Variants in CDH12 observed in about 807,000 individuals in gnomAD.
The protein encoded by CDH12 is cadherin 12.
Under a neutral mutation model 74.1 loss-of-function variants are expected in CDH12, and 41 were observed. The observed-to-expected ratio is 0.55, with a 90% CI of 0.43 to 0.72. The LOEUF (loss-of-function observed/expected upper bound fraction) is 0.72, where lower values mean the gene tolerates loss of function less well. Among genes scored for constraint, CDH12 ranks in the 30% least tolerant of loss-of-function variants. The pLI, the probability that CDH12 is intolerant of heterozygous loss-of-function variation, is 0.00. For missense variants in CDH12, 945 were observed against 977.2 expected (o/e 0.97, Z 0.44); for synonymous variants, 399 against 355.0 (o/e 1.12, Z -1.39).
intron 6 of CDH12, among the ~76,000 whole-genome samples, chr5:21,959,368 T>A (rs1425270135): frequency 1.3e-5 from 2 of 151,774 alleles, no homozygotes; most frequent in African/African-American, 4.8e-5. Flanking sequence ...AATCTACACA[T>A]ATCAAATACT....
intron 1 of CDH12, among the ~76,000 whole-genome samples, chr5:22,849,446 T>C (rs1737450671): frequency 6.6e-6 from 1 of 152,140 alleles, no homozygotes. Context: ...ACTAAAGGTA[T>C]ATTCAACCTT....
chr5:22,508,663 C>T (rs1240847466), intron 1 of CDH12, among the ~76,000 whole-genome samples: 2 of 152,162 alleles, frequency 1.3e-5, no homozygotes, highest in African/African-American at 4.8e-5. Flanking sequence ...TTGAACATTT[C>T]CTTTCTATGA....
intron 1 of CDH12, among the ~76,000 whole-genome samples, chr5:22,852,437 A>G (rs957846544): frequency 2.0e-4 from 30 of 152,228 alleles, no homozygotes; most frequent in African/African-American, 7.2e-4. Flanking sequence ...CCTTAAAATA[A>G]TTTGGAAATG....
At chr5:22,379,289 G>A (rs1741661764) in intron 3 of CDH12, among the ~76,000 whole-genome samples, 1 of 152,104 alleles carries the variant, frequency 6.6e-6, no homozygotes, top group Non-Finnish European at 1.5e-5. Context: ...TGTGTACTGG[G>A]AAGAAAGGAA....
chr5:22,236,263 T>G (rs1752555583), intron 3 of CDH12, among the ~76,000 whole-genome samples: 2 of 152,192 alleles, frequency 1.3e-5, no homozygotes, highest in African/African-American at 2.4e-5. Flanking sequence ...ACTGTAACAT[T>G]TTTACTTTAT....
At chr5:22,693,929 A>G (rs182860638) in intron 1 of CDH12, among the ~76,000 whole-genome samples, 1 of 150,142 alleles carries the variant, frequency 6.7e-6, no homozygotes, top group Non-Finnish European at 1.5e-5. Flanking sequence ...TTAAAAAAAA[A>G]ATTATTTATT....
intron 1 of CDH12, among the ~76,000 whole-genome samples, chr5:22,714,960 G>T (rs969296842): frequency 2.6e-5 from 4 of 152,076 alleles, no homozygotes; most frequent in Admixed American, 6.6e-5. Context: ...TCCCAGGCTG[G>T]AATACTGGTG....
intron 3 of CDH12, among the ~76,000 whole-genome samples, chr5:22,382,783 G>C (rs1367405332): frequency 1.3e-5 from 2 of 151,936 alleles, no homozygotes; most frequent in African/African-American, 4.8e-5. Flanking sequence ...TCTAAGTGTT[G>C]AGACTGAATC....
chr5:22,204,228 A>G (rs1469580250), intron 4 of CDH12, among the ~76,000 whole-genome samples: 1 of 148,432 alleles, frequency 6.7e-6, no homozygotes, highest in Non-Finnish European at 1.5e-5. Context: ...GCTGGCGTGC[A>G]GTGGTGCGAT....
At chr5:22,824,413 A>C (rs117619123) in intron 1 of CDH12, among the ~76,000 whole-genome samples, 1 of 152,150 alleles carries the variant, frequency 6.6e-6, no homozygotes, top group Non-Finnish European at 1.5e-5. Context: ...TTTGTATATG[A>C]AAAGCATACA....
intron 1 of CDH12, among the ~76,000 whole-genome samples, chr5:22,671,654 A>G (rs1740904519): frequency 6.6e-6 from 1 of 152,084 alleles, no homozygotes. Flanking sequence ...GAAAGTGTTT[A>G]TAGGCCAAGA....
At chr5:22,341,878 T>C (rs1433009162) in intron 3 of CDH12, among the ~76,000 whole-genome samples, 1 of 152,046 alleles carries the variant, frequency 6.6e-6, no homozygotes, top group African/African-American at 2.4e-5. Flanking sequence ...GTACTCTTGA[T>C]GAATTTGCAA....
At chr5:21,775,588 GC>G (rs1309470448) in intron 11 of CDH12, among the ~76,000 whole-genome samples, 3 of 152,042 alleles carry the variant, frequency 2.0e-5, no homozygotes, top group African/African-American at 7.2e-5. Flanking sequence ...TCATAGCTAT[GC>G]CTTTGCTTAA....
At chr5:22,580,685 G>A in intron 1 of CDH12, 3 of 388,418 alleles carry the variant, frequency 7.7e-6, no homozygotes, top group South Asian at 4.7e-5. Context: ...AGTGGAGGAG[G>A]CATTTTAACA....
At chr5:22,259,967 G>A (rs370959614) in intron 3 of CDH12, among the ~76,000 whole-genome samples, 43 of 152,116 alleles carry the variant, frequency 2.8e-4, no homozygotes, top group South Asian at 1.5e-3. Context: ...GGGCAAAAGC[G>A]TAATTAAAAA....
At position 22,785,807 on chromosome 5, in the gene CDH12, C is replaced by A. The variant is rs574681901; in HGVS notation, c.-523+67251G>T. 2.6e-5 allele frequency among the ~76,000 whole-genome samples: 4 copies of A among 152,212 alleles called. No individual in the cohort carries two copies. The East Asian group carries it at 7.7e-4, about 29-fold the overall frequency. ...TTCTGGGATTACAGTTGTATGCCAC[C>A]ATGCCCAGCCTTATTTCCTGTTAAT... On this transcript the variant is annotated intron_variant, in intron 1 of 14. Transcript: ENST00000382254.
At chr5:22,766,297 C>T (rs191038494) in intron 1 of CDH12, among the ~76,000 whole-genome samples, 7 of 152,122 alleles carry the variant, frequency 4.6e-5, no homozygotes, top group Admixed American at 1.3e-4. Flanking sequence ...TGCACAAAGA[C>T]ATGCATAAGA....
chr5:22,589,390 T>C (rs951884138), intron 1 of CDH12, among the ~76,000 whole-genome samples: 1 of 152,162 alleles, frequency 6.6e-6, no homozygotes, highest in African/African-American at 2.4e-5. Context: ...AATCAATGTT[T>C]GATGTTGTAA....
At chr5:22,259,931 C>G (rs569521115) in intron 3 of CDH12, among the ~76,000 whole-genome samples, 1 of 151,926 alleles carries the variant, frequency 6.6e-6, no homozygotes, top group Non-Finnish European at 1.5e-5. Context: ...GTGAGCAGTG[C>G]TATAATTTAC....
Sources: gnomAD v4.1 joint callset for allele counts (sites outside exome capture counted in the v4.1 genomes callset) on GRCh38, gnomAD v4.1.1 for gene constraint, MANE v1.5 for transcripts, NCBI Gene and HGNC (gene_info 2026-07-23, HGNC 2026-07-21) for gene names.